Variants in SRSF3 observed in about 807,000 individuals in gnomAD.
The protein encoded by SRSF3 is serine/arginine-rich splicing factor 3.
For synonymous variants in SRSF3, 87 were observed against 73.6 expected (o/e 1.18, Z -0.93); for missense variants, 58 against 217.1 (o/e 0.27, Z 4.61).
At chr6:36,599,051 CTT>C in intron 3 of SRSF3, 68 bp downstream of exon 3, 2 of 1,556,500 alleles carry the variant, frequency 1.3e-6, no homozygotes, top group Non-Finnish European at 1.7e-6. Context: ...AGGTATTTCT[CTT>C]AAGTTTGTTG....
rs1050038644 is a variant in SRSF3, at chr6:36,597,258, A to G, written c.206+290A>G. The G allele has an allele frequency of 9.6e-6, 4 of 416,350 alleles. No homozygotes were observed. The South Asian group carries it at 1.1e-4, about 11-fold the overall frequency. The allele number at this position is 416,350 out of a possible 1,614,324, so 25.8% of individuals were successfully genotyped here. A position where few individuals can be genotyped will look rare whatever the true frequency, so the allele number is the denominator to read the frequency against. ...GTAACTGGGACTACAGGCGTGTGCC[A>G]TCATGCGGGGCTGATTTTTGTATTT... On this transcript the variant is annotated intron_variant, in intron 2 of 5. Transcript: ENST00000373715.
At position 36,602,408 on chromosome 6, in the gene SRSF3, A is replaced by G. The variant is rs1465631592; in HGVS notation, c.*419A>G. 1 of 234,738 alleles carries G rather than the reference A, an allele frequency of 4.3e-6. No homozygotes were observed. Among genetic ancestry groups the G allele is most frequent in the African/African-American group, 2.2e-5 (1 of 45,274 alleles). The allele number at this position is 234,738 out of a possible 1,614,324, so 14.5% of individuals were successfully genotyped here. Reference sequence around the variant, plus strand: ...AGGCTGCAGCTATAGTTGAACAAGCAGTCTTTAAAAACTGCTGTGAAACAC... The same window carrying G: ...AGGCTGCAGCTATAGTTGAACAAGCGGTCTTTAAAAACTGCTGTGAAACAC... On this transcript the variant is annotated 3_prime_UTR_variant, in exon 6 of 6. Coordinates refer to ENST00000373715, the MANE Select transcript of SRSF3 (RefSeq NM_003017.5).
rs1311368054 is a variant in SRSF3 at position 36,596,410 on chromosome 6, TATTTTGGGGATTAAATGA to T, written c.-2-349_-2-332del. 2.6e-5 allele frequency among the ~76,000 whole-genome samples: 4 copies of T among 152,210 alleles called. No homozygotes were observed. In the East Asian group the frequency reaches 7.7e-4, roughly 29 times the overall value. On this transcript the variant is annotated intron_variant, in intron 1 of 5. Transcript: ENST00000373715. ...CTCTTCTGTTTTTCTAGAAATGCTTTATTTTGGGGATTAAATGAAATAACAGGTTAAGTCTCTTAACTC... is the reference window on the plus strand; with the variant it reads ...CTCTTCTGTTTTTCTAGAAATGCTTTAATAACAGGTTAAGTCTCTTAACTC...
chr6:36,597,197 C>T (rs550395005), intron 2 of SRSF3: 7 of 548,386 alleles, frequency 1.3e-5, no homozygotes, highest in African/African-American at 9.6e-5. Flanking sequence ...CCTCGGCCTC[C>T]GGGGTTCAAG....
At chr6:36,599,113 G>A (rs1184290010) in intron 3 of SRSF3, 130 bp downstream of exon 3, 2 of 1,202,976 alleles carry the variant, frequency 1.7e-6, no homozygotes, top group East Asian at 5.0e-5. Context: ...AACATTTGTT[G>A]GGTGTAATTT....
chr6:36,595,316 C>G (rs1219250518), intron 1 of SRSF3, among the ~76,000 whole-genome samples: 1 of 152,172 alleles, frequency 6.6e-6, no homozygotes, highest in South Asian at 2.1e-4. Context: ...AATAAGTCCC[C>G]AAAGTGCAGT....
intron 2 of SRSF3, chr6:36,598,346 T>G (rs1778665398): frequency 6.6e-6 from 1 of 152,354 alleles, no homozygotes; most frequent in Non-Finnish European, 1.5e-5. Context: ...TTTGTTTAAT[T>G]TGAAATTAAT....
At chr6:36,597,201 G>A (rs918651241) in intron 2 of SRSF3, 36 of 544,534 alleles carry the variant, frequency 6.6e-5, no homozygotes, top group Non-Finnish European at 1.1e-4. Flanking sequence ...GGCCTCCGGG[G>A]TTCAAGTGAT....
At position 36,602,220 on chromosome 6, in the gene SRSF3, C is replaced by T; in HGVS notation, c.*231C>T. ...CCAAGAATTGTTACTTTACAATGTT[C>T]CCTTAAGCAAAATTGAATTTGCTTT... On this transcript the variant is annotated 3_prime_UTR_variant, in exon 6 of 6. Transcript: ENST00000373715. 7.5e-6 allele frequency: 6 copies of T among 801,556 alleles called. No individual in the cohort carries two copies. The highest frequency in any genetic ancestry group is 3.5e-5 in the South Asian group (1 of 28,322). The allele number at this position is 801,556 out of a possible 1,614,324, so 49.7% of individuals were successfully genotyped here. A position where few individuals can be genotyped will look rare whatever the true frequency, so the allele number is the denominator to read the frequency against.
chr6:36,600,175 A>C, intron 3 of SRSF3: 1 of 1,070,862 alleles, frequency 9.3e-7, no homozygotes, highest in Non-Finnish European at 1.1e-6. Flanking sequence ...CAACCAACTA[A>C]ATCCAACGCA....
rs1414182406 is a variant in SRSF3, at chr6:36,602,259, T to C, written c.*270T>C. On this transcript the variant is annotated 3_prime_UTR_variant, in exon 6 of 6. Coordinates refer to ENST00000373715, the MANE Select transcript of SRSF3 (RefSeq NM_003017.5). ...TGAATTTGCTTTGAACTTTTAGTTA[T>C]GCACAGACTGATAATAAACCTCTAA... 8.2e-6 allele frequency: 4 copies of C among 490,696 alleles called. No individual in the cohort carries two copies. Among genetic ancestry groups the C allele is most frequent in the East Asian group, 3.5e-5 (1 of 28,650 alleles). The allele number at this position is 490,696 out of a possible 1,614,324, so 30.4% of individuals were successfully genotyped here.
At chr6:36,600,945 A>T (rs1166698946) in intron 3 of SRSF3, 1 of 449,522 alleles carries the variant, frequency 2.2e-6, no homozygotes, top group African/African-American at 2.3e-5. Context: ...CCTGCTTTTC[A>T]CTTGAGCTTT....
At chr6:36,599,826 C>T in intron 3 of SRSF3, 2 of 1,351,970 alleles carry the variant, frequency 1.5e-6, no homozygotes, top group African/African-American at 2.9e-5. Flanking sequence ...TACAGAGTCA[C>T]CATCATGTCT....
chr6:36,595,631 T>C (rs1405329443), intron 1 of SRSF3, among the ~76,000 whole-genome samples: 1 of 152,234 alleles, frequency 6.6e-6, no homozygotes, highest in Non-Finnish European at 1.5e-5. Flanking sequence ...GCGTAATGTT[T>C]TCAAGATTTT....
At chr6:36,599,619 C>T (rs868691986) in intron 3 of SRSF3, 2 of 367,592 alleles carry the variant, frequency 5.4e-6, no homozygotes, top group South Asian at 4.2e-5. Flanking sequence ...ACTAAATTTA[C>T]CTCTTACAGG....
intron 2 of SRSF3, 148 bp downstream of exon 2, chr6:36,597,116 T>C (rs1253111674): frequency 5.7e-6 from 4 of 704,336 alleles, no homozygotes; most frequent in Non-Finnish European, 9.2e-6. Flanking sequence ...TTTTTTTTTT[T>C]TTGGTGGGGA....
At chr6:36,601,216 G>A (rs746905584) in intron 4 of SRSF3, 26 bp downstream of exon 4, 6 of 1,612,174 alleles carry the variant, frequency 3.7e-6, no homozygotes, top group African/African-American at 1.3e-5. Flanking sequence ...TTTTGGCTAC[G>A]TTCTTAGAAA....
chr6:36,596,938 C>T lies in SRSF3; in HGVS notation c.176C>T (p.Ala59Val). ...GTTGAATTTGAAGATCCCCGAGATG[C>T]AGCTGATGCAGTCCGAGAGCTAGAT... ...AFVEFEDPRD[A>V]ADAVRELDGR... Residue 59 changes from alanine (A) to valine (V), a missense_variant, in exon 2 of 6, where the codon GCA (alanine) becomes GTA (valine). By Grantham distance (64) the Ala-to-Val change is moderately conservative (BLOSUM62 0). Coordinates refer to ENST00000373715, the MANE Select transcript of SRSF3 (RefSeq NM_003017.5). 1 of 1,614,054 alleles carries T rather than the reference C, an allele frequency of 6.2e-7. No individual in the cohort carries two copies. The highest frequency in any genetic ancestry group is 8.5e-7 in the Non-Finnish European group (1 of 1,180,006).
chr6:36,597,095 ATCT>A (rs1778642298), intron 2 of SRSF3, 127 bp downstream of exon 2: 115 of 493,534 alleles, frequency 2.3e-4, no homozygotes, highest in African/African-American at 1.3e-3. Flanking sequence ...TACAATTGGG[ATCT>A]TTTTTTTTTT....
Sources: gnomAD v4.1 joint callset for allele counts (sites outside exome capture counted in the v4.1 genomes callset) on GRCh38, gnomAD v4.1.1 for gene constraint, MANE v1.5 for transcripts, NCBI Gene and HGNC (gene_info 2026-07-23, HGNC 2026-07-21) for gene names.